Variants in PTPN5 observed in about 807,000 individuals in gnomAD.
PTPN5 encodes tyrosine-protein phosphatase non-receptor type 5.
Under a neutral mutation model 73.9 loss-of-function variants are expected in PTPN5, and 29 were observed. That is an observed-to-expected ratio of 0.39 (90% confidence interval 0.29 to 0.54). The LOEUF (loss-of-function observed/expected upper bound fraction) is 0.54, where lower values mean the gene tolerates loss of function less well. Ranked by LOEUF, PTPN5 falls within the 20% of genes least tolerant of loss-of-function variation. The pLI, the probability that PTPN5 is intolerant of heterozygous loss-of-function variation, is 0.65. For synonymous variants in PTPN5, 267 were observed against 304.7 expected (o/e 0.88, Z 1.29); for missense variants, 652 against 751.4 (o/e 0.87, Z 1.55).
At chr11:18,752,772 C>T (rs1346287282) in intron 3 of PTPN5, among the ~76,000 whole-genome samples, 1 of 152,222 alleles carries the variant, frequency 6.6e-6, no homozygotes, top group East Asian at 1.9e-4. Context: ...GCTGCCCATG[C>T]TGAGAACTAA....
intron 7 of PTPN5, 103 bp from the exon 8 acceptor site, chr11:18,740,895 G>T: frequency 1.5e-6 from 1 of 667,978 alleles, no homozygotes; most frequent in Non-Finnish European, 2.3e-6. Flanking sequence ...GATCAGCTGG[G>T]AACAGGGTGG....
chr11:18,778,934 TCATGCTGCCCTGGGCCTGGGCTGCC>T (rs1202160836), intron 1 of PTPN5, among the ~76,000 whole-genome samples: 5 of 152,200 alleles, frequency 3.3e-5, no homozygotes, highest in Non-Finnish European at 7.3e-5. Context: ...TAGACTTCCC[TCATGCTGCCCTGGGCCTGGGCTGCC>T]CATGCTGCTG....
Position 18,741,917 on chromosome 11 carries a change from A to G in PTPN5, c.725+345T>C, listed in dbSNP as rs141162899. Among the ~76,000 whole-genome samples, 471 of 152,350 alleles carry G rather than the reference A, an allele frequency of 3.1e-3. 1 individual carries two copies. Among genetic ancestry groups the G allele is most frequent in the Non-Finnish European group, 6.0e-3 (408 of 68,036 alleles). The stretch of plus-strand genomic sequence containing the variant: ...GTTCCGTGGTCAAGTGACTTTGGGA[A>G]ATGCCACATACTGCCCCCTTGCTGA... On this transcript the variant is annotated intron_variant, in intron 7 of 14. Coordinates refer to ENST00000358540, the MANE Select transcript of PTPN5 (RefSeq NM_006906.2).
At chr11:18,778,868 T>C (rs906090786) in intron 1 of PTPN5, among the ~76,000 whole-genome samples, 2 of 152,192 alleles carry the variant, frequency 1.3e-5, no homozygotes, top group Middle Eastern at 3.2e-3. Flanking sequence ...GCCTAGCCTG[T>C]GTTGGTTACA....
intron 12 of PTPN5, chr11:18,730,286 G>C: frequency 4.0e-6 from 1 of 250,350 alleles, no homozygotes; most frequent in Non-Finnish European, 7.6e-6. Context: ...CACACTCCCC[G>C]CTTCACTGCC....
intron 12 of PTPN5, among the ~76,000 whole-genome samples, chr11:18,731,328 C>T (rs1468963979): frequency 6.6e-6 from 1 of 151,928 alleles, no homozygotes; most frequent in African/African-American, 2.4e-5. Flanking sequence ...ATACCTATCT[C>T]TAGCTCAGTA....
chr11:18,744,719 C>G (rs997637351), intron 3 of PTPN5, among the ~76,000 whole-genome samples: 2 of 152,134 alleles, frequency 1.3e-5, no homozygotes, highest in African/African-American at 4.8e-5. Context: ...ACTCCCTGCA[C>G]GATGAGAGGG....
At chr11:18,746,825 G>A (rs944482675) in intron 3 of PTPN5, among the ~76,000 whole-genome samples, 2 of 152,178 alleles carry the variant, frequency 1.3e-5, no homozygotes, top group Non-Finnish European at 2.9e-5. Flanking sequence ...GAAGGATCAC[G>A]TGGGAAGGCA....
chr11:18,789,050 G>A (rs1414656253), intron 1 of PTPN5, among the ~76,000 whole-genome samples: 1 of 152,178 alleles, frequency 6.6e-6, no homozygotes, highest in East Asian at 1.9e-4. Flanking sequence ...CTGAAGTCCA[G>A]GAATAGGTCA....
chr11:18,739,669 G>C (rs1474966331), intron 8 of PTPN5, among the ~76,000 whole-genome samples: 3 of 152,212 alleles, frequency 2.0e-5, no homozygotes, highest in Non-Finnish European at 4.4e-5. Flanking sequence ...AGCTATGAGG[G>C]AGGAGGCACC....
intron 1 of PTPN5, among the ~76,000 whole-genome samples, chr11:18,778,283 T>C (rs1851264331): frequency 1.3e-5 from 2 of 152,224 alleles, no homozygotes; most frequent in African/African-American, 4.8e-5. Context: ...CCAATATTAC[T>C]GTTAAGAGTT....
At chr11:18,765,004 A>G (rs1281658111) in intron 3 of PTPN5, among the ~76,000 whole-genome samples, 5 of 152,074 alleles carry the variant, frequency 3.3e-5, no homozygotes, top group East Asian at 3.9e-4. Flanking sequence ...GAGCCACCGC[A>G]CCTGGCCCAA....
intron 3 of PTPN5, among the ~76,000 whole-genome samples, chr11:18,753,386 G>T (rs751599882): frequency 1.1e-4 from 17 of 152,188 alleles, no homozygotes; most frequent in Non-Finnish European, 2.4e-4. Flanking sequence ...GGGTCTTTTA[G>T]GGTCCTTCTA....
intron 3 of PTPN5, among the ~76,000 whole-genome samples, chr11:18,745,099 G>C (rs1376766596): frequency 6.6e-6 from 1 of 152,208 alleles, no homozygotes; most frequent in Non-Finnish European, 1.5e-5. Flanking sequence ...TATAGCATGG[G>C]GATTCTAGCT....
chr11:18,744,067 G>C lies in PTPN5; in HGVS notation c.230C>G (p.Ala77Gly). 2.5e-6 allele frequency: 4 copies of C among 1,609,814 alleles called. No homozygotes were observed. Among genetic ancestry groups the C allele is most frequent in the Non-Finnish European group, 3.4e-6 (4 of 1,178,282 alleles). ...DPAQKPPPRG[A>G]GSHSLTVRSS... ...CCTGACAGTGAGGGAGTGGCTCCCAGCGCCTCGAGGTGGTGGCTTCTGAGC... is the reference window on the plus strand; with the variant it reads ...CCTGACAGTGAGGGAGTGGCTCCCACCGCCTCGAGGTGGTGGCTTCTGAGC... The change falls in exon 4 of 15, where the codon GCT (alanine) becomes GGT (glycine). Residue 77 changes from alanine to glycine, a missense_variant. Around this residue, in one of 3 missense-constraint regions of PTPN5, gnomAD observed 529 missense variants for 573.9 expected, o/e 0.92. Transcript: ENST00000358540.
intron 1 of PTPN5, among the ~76,000 whole-genome samples, chr11:18,779,852 C>T (rs186954341): frequency 1.1e-3 from 164 of 152,342 alleles, no homozygotes; most frequent in Non-Finnish European, 2.1e-3. Flanking sequence ...GCCACTTTCT[C>T]CACAAGGGGC....
At chr11:18,789,625 C>T (rs1004055837) in intron 1 of PTPN5, among the ~76,000 whole-genome samples, 3 of 152,168 alleles carry the variant, frequency 2.0e-5, no homozygotes, top group Non-Finnish European at 4.4e-5. Context: ...TGATGAGCTG[C>T]TCACCCCCCT....
At chr11:18,775,368 C>T (rs937735773) in intron 1 of PTPN5, among the ~76,000 whole-genome samples, 3 of 152,162 alleles carry the variant, frequency 2.0e-5, no homozygotes, top group Middle Eastern at 3.2e-3. Flanking sequence ...TTTTTACAGA[C>T]GAGAAAACTA....
In PTPN5 at chr11:18,743,433, G is replaced by A. The variant is rs1361538991; in HGVS notation, c.292-4C>T. Reference sequence around the variant, plus strand: ...ACCAGAGCACCCCACAGGCAAGCTGGGGCACAGGGGAGCAGGCTGAGTATG... The same window carrying A: ...ACCAGAGCACCCCACAGGCAAGCTGAGGCACAGGGGAGCAGGCTGAGTATG... On this transcript the variant is annotated splice_region_variant and splice_polypyrimidine_tract_variant and intron_variant, in intron 4 of 14. Coordinates refer to ENST00000358540, the MANE Select transcript of PTPN5 (RefSeq NM_006906.2). The A allele has an allele frequency of 1.2e-6, 2 of 1,613,698 alleles. No individual in the cohort carries two copies. The highest frequency in any genetic ancestry group is 1.7e-6 in the Non-Finnish European group (2 of 1,179,636).
Sources: gnomAD v4.1 joint callset for allele counts (sites outside exome capture counted in the v4.1 genomes callset) on GRCh38, gnomAD v4.1.1 for gene constraint, gnomAD v4.1.1 regional missense constraint, MANE v1.5 for transcripts, NCBI Gene and HGNC (gene_info 2026-07-23, HGNC 2026-07-21) for gene names.